Variants in SLC25A21 observed in about 807,000 individuals in gnomAD.
SLC25A21 encodes the protein solute carrier family 25 member 21, also known as mitochondrial 2-oxodicarboxylate carrier.
SLC25A21 carries 47 observed loss-of-function variants against 43.8 expected under a neutral mutation model. The ratio of observed to expected loss-of-function variants is 1.07; its 90% CI spans 0.85 to 1.37. The LOEUF (loss-of-function observed/expected upper bound fraction) is 1.37, where lower values mean the gene tolerates loss of function less well. Ranked by LOEUF, SLC25A21 falls within the 40% of genes most tolerant of loss-of-function variation. The pLI, the probability that SLC25A21 is intolerant of heterozygous loss-of-function variation, is 0.00. For missense variants in SLC25A21, 352 were observed against 350.2 expected (o/e 1.00, Z -0.04); for synonymous variants, 131 against 121.3 (o/e 1.08, Z -0.52).
intron 1 of SLC25A21, among the ~76,000 whole-genome samples, chr14:37,031,238 A>C (rs1961204065): frequency 1.3e-5 from 2 of 152,240 alleles, no homozygotes; most frequent in African/African-American, 4.8e-5. Context: ...ACAGTGTTCA[A>C]ACAATCACAC....
At position 36,990,530 on chromosome 14, in the gene SLC25A21, C is replaced by T. The variant is rs76089835; in HGVS notation, c.71-115526G>A. Among the ~76,000 whole-genome samples, 193 of 152,094 alleles carry T rather than the reference C, an allele frequency of 1.3e-3. 3 individuals are homozygous for T. In the East Asian group the frequency reaches 0.03, roughly 24 times the overall value. On this transcript the variant is annotated intron_variant, in intron 1 of 9. Transcript: ENST00000331299. ...TTATAAGTTTATCCCCTAAAAAAAA[C>T]CTTCACTGCCATGGCTACTTTCCAA...
chr14:36,723,197 C>T (rs1332897699), intron 6 of SLC25A21, among the ~76,000 whole-genome samples: 1 of 152,202 alleles, frequency 6.6e-6, no homozygotes, highest in African/African-American at 2.4e-5. Flanking sequence ...ATTCTTATCA[C>T]GTCATCTCTT....
chr14:36,775,505 T>C (rs1886788405), intron 3 of SLC25A21, among the ~76,000 whole-genome samples: 1 of 152,200 alleles, frequency 6.6e-6, no homozygotes, highest in Non-Finnish European at 1.5e-5. Context: ...GATTTGAGCA[T>C]TGGGCTGCCT....
At chr14:36,813,649 C>T (rs1392095936) in intron 3 of SLC25A21, among the ~76,000 whole-genome samples, 2 of 152,162 alleles carry the variant, frequency 1.3e-5, no homozygotes, top group African/African-American at 2.4e-5. Flanking sequence ...GTTTAGATAG[C>T]CTCAGTTACA....
intron 6 of SLC25A21, among the ~76,000 whole-genome samples, chr14:36,716,795 A>G (rs1014432192): frequency 4.6e-5 from 7 of 152,310 alleles, no homozygotes; most frequent in Admixed American, 3.9e-4. Flanking sequence ...TTCCCTGGGT[A>G]AATACCAGTC....
At chr14:36,827,730 T>A (rs1888887908) in intron 2 of SLC25A21, among the ~76,000 whole-genome samples, 1 of 152,160 alleles carries the variant, frequency 6.6e-6, no homozygotes, top group Non-Finnish European at 1.5e-5. Flanking sequence ...ATTAAGAGAG[T>A]TAAAAGGTTA....
At chr14:37,139,419 G>A (rs930652654) in intron 1 of SLC25A21, among the ~76,000 whole-genome samples, 3 of 151,994 alleles carry the variant, frequency 2.0e-5, no homozygotes, top group East Asian at 1.9e-4. Flanking sequence ...GATATATTTC[G>A]TTTATTTGCT....
intron 3 of SLC25A21, among the ~76,000 whole-genome samples, chr14:36,750,449 T>C (rs1220252903): frequency 6.6e-6 from 1 of 152,202 alleles, no homozygotes; most frequent in African/African-American, 2.4e-5. Flanking sequence ...TGAGACCATG[T>C]GCTCAGGAAA....
intron 2 of SLC25A21, among the ~76,000 whole-genome samples, chr14:36,829,371 G>A (rs910253614): frequency 5.3e-5 from 8 of 152,074 alleles, no homozygotes; most frequent in South Asian, 2.1e-4. Flanking sequence ...GTTCCTTCCC[G>A]CAAGGCTTCC....
chr14:36,988,501 C>T (rs1594739901), intron 1 of SLC25A21, among the ~76,000 whole-genome samples: 3 of 152,024 alleles, frequency 2.0e-5, no homozygotes, highest in Non-Finnish European at 2.9e-5. Flanking sequence ...AATATAGAAG[C>T]CAAAATGGGA....
chr14:37,107,124 AAATT>A (rs1449650117), intron 1 of SLC25A21, among the ~76,000 whole-genome samples: 8 of 152,298 alleles, frequency 5.3e-5, no homozygotes, highest in African/African-American at 1.7e-4. Flanking sequence ...TTTTTAAAAA[AAATT>A]AATTATTACT....
At chr14:36,805,936 T>A (rs565915334) in intron 3 of SLC25A21, among the ~76,000 whole-genome samples, 7 of 152,048 alleles carry the variant, frequency 4.6e-5, no homozygotes, top group Non-Finnish European at 8.8e-5. Flanking sequence ...ATTAAAGGGC[T>A]GGGTGCAGTA....
At chr14:37,114,975 T>C (rs1352115934) in intron 1 of SLC25A21, among the ~76,000 whole-genome samples, 2 of 152,192 alleles carry the variant, frequency 1.3e-5, no homozygotes, top group African/African-American at 4.8e-5. Context: ...CAGCTAAAGA[T>C]AACAATTGTT....
chr14:36,886,109 T>C (rs1456498545), intron 1 of SLC25A21, among the ~76,000 whole-genome samples: 1 of 152,210 alleles, frequency 6.6e-6, no homozygotes, highest in African/African-American at 2.4e-5. Context: ...AGAACTGATA[T>C]ATTTTCATCT....
chr14:37,097,071 G>A (rs1213322633), intron 1 of SLC25A21: 9 of 145,854 alleles, frequency 6.2e-5, no homozygotes, highest in Non-Finnish European at 1.1e-4. Context: ...TGGTTCTTAC[G>A]AAAGTGCTTT....
At chr14:36,917,732 T>C (rs1891869237) in intron 1 of SLC25A21, among the ~76,000 whole-genome samples, 1 of 152,070 alleles carries the variant, frequency 6.6e-6, no homozygotes. Context: ...TAATAAAATA[T>C]TATTTATAAA....
rs114066233 is a variant in SLC25A21, at chr14:36,685,277, T to C, written c.604-352A>G. Among the ~76,000 whole-genome samples the C allele has an allele frequency of 3.8e-3, 577 of 152,306 alleles. 3 individuals are homozygous for C. The highest frequency in any genetic ancestry group is 0.013 in the African/African-American group (561 of 41,562). On this transcript the variant is annotated intron_variant, in intron 7 of 9. Transcript: ENST00000331299. ...AACAGGAGAAATCCAAGCACACTATTAGCTAATTGGCCAGAATATTTTACA... is the reference window on the plus strand; with the variant it reads ...AACAGGAGAAATCCAAGCACACTATCAGCTAATTGGCCAGAATATTTTACA...
intron 3 of SLC25A21, among the ~76,000 whole-genome samples, chr14:36,781,788 T>C (rs748757060): frequency 2.6e-5 from 4 of 152,210 alleles, no homozygotes; most frequent in Non-Finnish European, 5.9e-5. Flanking sequence ...ACCATTACAG[T>C]ATTGGAGTAT....
chr14:37,118,349 T>C (rs1361016093), intron 1 of SLC25A21, among the ~76,000 whole-genome samples: 1 of 151,940 alleles, frequency 6.6e-6, no homozygotes, highest in Admixed American at 6.6e-5. Flanking sequence ...AGCTCTGTGA[T>C]TGTACCCCCA....
Sources: gnomAD v4.1 joint callset for allele counts (sites outside exome capture counted in the v4.1 genomes callset) on GRCh38, gnomAD v4.1.1 for gene constraint, MANE v1.5 for transcripts, NCBI Gene and HGNC (gene_info 2026-07-23, HGNC 2026-07-21) for gene names.